GLI3: variants seen among roughly 807,000 people sequenced by gnomAD.
GLI3 encodes GLI family zinc finger 3, also known as transcription activator GLI3.
A neutral mutation model predicts 100.8 loss-of-function variants in GLI3; 20 were observed. That is an observed-to-expected ratio of 0.20 (90% CI 0.14 to 0.29). The LOEUF is 0.29. GLI3 is among the 10% of genes least tolerant of loss of function. GLI3 has a pLI of 1.00. For synonymous variants in GLI3, 938 were observed against 860.5 expected (o/e 1.09, Z -1.58); for missense variants, 2,040 against 2,128.5 (o/e 0.96, Z 0.82).
intron 10 of GLI3, among the ~76,000 whole-genome samples, chr7:42,001,257 T>TAA (rs774782546): frequency 1.6e-5 from 2 of 127,252 alleles, no homozygotes; most frequent in African/African-American, 2.9e-5. Context: ...AAAAAAAAGT[T>TAA]AAAAAAAAAA....
upstream of GLI3, among the ~76,000 whole-genome samples, chr7:42,238,025 TCTC>T (rs936105925): frequency 2.7e-4 from 29 of 108,950 alleles, no homozygotes; most frequent in East Asian, 1.0e-3. Flanking sequence ...TCCTCCTCCT[TCTC>T]CTCCTCCTCC....
intron 7 of GLI3, among the ~76,000 whole-genome samples, chr7:42,038,236 A>C (rs926693198): frequency 7.2e-5 from 11 of 152,192 alleles, no homozygotes; most frequent in African/African-American, 2.7e-4. Context: ...TGAGACTGGC[A>C]TGCTTCCTCG....
At chr7:42,039,999 C>T (rs1287457380) in intron 7 of GLI3, 39 bp downstream of exon 7, 1 of 1,471,614 alleles carries the variant, frequency 6.8e-7, no homozygotes, top group Non-Finnish European at 9.5e-7. Context: ...GCTGACATTA[C>T]ATTTAAAAAA....
At chr7:42,182,677 TATATAC>T (rs1205216953) in intron 2 of GLI3, among the ~76,000 whole-genome samples, 2,554 of 65,004 alleles carry the variant, frequency 0.039, 145 homozygotes, top group African/African-American at 0.055. Context: ...TATATATATA[TATATAC>T]ACATGTGTGT....
intron 4 of GLI3, among the ~76,000 whole-genome samples, chr7:42,065,013 C>T (rs779853331): frequency 1.3e-5 from 2 of 152,052 alleles, no homozygotes; most frequent in Non-Finnish European, 2.9e-5. Flanking sequence ...CCAATGAAAC[C>T]AGGCCCTGAC....
chr7:42,160,026 G>C (rs1214991333), intron 2 of GLI3, among the ~76,000 whole-genome samples: 2 of 152,136 alleles, frequency 1.3e-5, no homozygotes, highest in African/African-American at 4.8e-5. Context: ...GCACTTAATC[G>C]GTATGTGACC....
intron 10 of GLI3, among the ~76,000 whole-genome samples, chr7:41,980,295 T>C (rs972435469): frequency 6.6e-6 from 1 of 152,214 alleles, no homozygotes; most frequent in Admixed American, 6.5e-5. Context: ...GTTATGATGA[T>C]GCACACAGGT....
chr7:42,073,130 T>C (rs180820811), intron 4 of GLI3, among the ~76,000 whole-genome samples: 1 of 152,340 alleles, frequency 6.6e-6, no homozygotes, highest in Admixed American at 6.5e-5. Context: ...CAGGTCCTAC[T>C]TAGAAGTTCT....
chr7:42,250,491 C>T (rs907231121), intron 1 of GLI3, among the ~76,000 whole-genome samples: 2 of 152,280 alleles, frequency 1.3e-5, no homozygotes, highest in Admixed American at 6.5e-5. Flanking sequence ...GAGTCATCAC[C>T]AAGCTGAGAT....
intron 1 of GLI3, among the ~76,000 whole-genome samples, chr7:42,245,520 A>G (rs191497046): frequency 6.6e-6 from 1 of 152,198 alleles, no homozygotes; most frequent in East Asian, 1.9e-4. Flanking sequence ...TGTACTAAAA[A>G]ATACAAAAAA....
chr7:42,228,343 A>G (rs1788626172), intron 1 of GLI3, among the ~76,000 whole-genome samples: 1 of 151,842 alleles, frequency 6.6e-6, no homozygotes, highest in African/African-American at 2.4e-5. Context: ...GAGACAATGC[A>G]TCTCCGCCAG....
chr7:42,002,979 G>T (rs768191030), intron 10 of GLI3, among the ~76,000 whole-genome samples: 3 of 152,202 alleles, frequency 2.0e-5, no homozygotes, highest in Non-Finnish European at 4.4e-5. Flanking sequence ...AGCACTAGTT[G>T]CCTAATATTA....
At chr7:42,037,636 A>AT (rs1784041825) in intron 7 of GLI3, among the ~76,000 whole-genome samples, 1 of 152,240 alleles carries the variant, frequency 6.6e-6, no homozygotes, top group African/African-American at 2.4e-5. Context: ...GATGCAATCG[A>AT]AAGTCTCAAA....
intron 2 of GLI3, among the ~76,000 whole-genome samples, chr7:42,213,571 C>T (rs1583652873): frequency 6.6e-6 from 1 of 152,168 alleles, no homozygotes; most frequent in South Asian, 2.1e-4. Context: ...GCTTTCTGCT[C>T]CATTTTCCAA....
At chr7:42,012,282 C>T (rs1451660888) in intron 10 of GLI3, among the ~76,000 whole-genome samples, 2 of 152,184 alleles carry the variant, frequency 1.3e-5, no homozygotes, top group Non-Finnish European at 2.9e-5. Context: ...CTGATAGCGA[C>T]AAGCCTCGTT....
chr7:42,023,503 C>G lies in GLI3; in HGVS notation c.1462G>C (p.Ala488Pro). ...TGCTCTTGGGTGTCGAACTCCCTCG[C>G]GCAGCCTTCCCAGTGGCAGTTTGTC... The part of the protein sequence containing the change: ...YETNCHWEGC[A>P]REFDTQEQLV... The change falls in exon 10 of 15, where the codon GCG becomes CCG. Residue 488 changes from alanine (A) to proline (P), a missense_variant. Coordinates refer to ENST00000395925, the MANE Select transcript of GLI3 (RefSeq NM_000168.6). The G allele has an allele frequency of 1.2e-6, 2 of 1,614,102 alleles. No homozygotes were observed. Among genetic ancestry groups the G allele is most frequent in the Non-Finnish European group, 1.7e-6 (2 of 1,180,000 alleles).
intron 3 of GLI3, among the ~76,000 whole-genome samples, chr7:42,078,160 C>T (rs915354777): frequency 1.2e-4 from 19 of 152,140 alleles, no homozygotes; most frequent in Admixed American, 3.3e-4. Flanking sequence ...CCCCCGAGGT[C>T]GGCAACACCG....
At chr7:42,065,947 C>G (rs2128748751) in intron 4 of GLI3, among the ~76,000 whole-genome samples, 1 of 152,242 alleles carries the variant, frequency 6.6e-6, no homozygotes, top group African/African-American at 2.4e-5. Context: ...TAAAAAATGT[C>G]TTTAGGTCTC....
In GLI3 at chr7:42,158,128, G is replaced by C. The variant is rs571549501; in HGVS notation, c.125-9660C>G. 5.9e-5 allele frequency among the ~76,000 whole-genome samples: 9 copies of C among 152,228 alleles called. No homozygotes were observed. In the East Asian group the frequency reaches 1.7e-3, roughly 29 times the overall value. On this transcript the variant is annotated intron_variant, in intron 2 of 14. Coordinates refer to ENST00000395925, the MANE Select transcript of GLI3 (RefSeq NM_000168.6). Reference sequence around the variant, plus strand: ...AAACTTGTTAACTCAGCTTTTACCAGCCCACTCTGGAAAGGCATAAATGGG... The same window carrying C: ...AAACTTGTTAACTCAGCTTTTACCACCCCACTCTGGAAAGGCATAAATGGG...
Sources: allele counts gnomAD v4.1 joint callset (sites outside exome capture counted in the v4.1 genomes callset), GRCh38; gene constraint gnomAD v4.1.1; transcripts MANE v1.5; gene names NCBI Gene and HGNC (gene_info 2026-07-23, HGNC 2026-07-21).